Variants in ABI1 observed in about 807,000 individuals in gnomAD.
ABI1 encodes the protein abl interactor 1.
In ABI1, 14 loss-of-function variants were observed where a neutral mutation model predicts 54.6. The ratio of observed to expected loss-of-function variants is 0.26; its 90% CI spans 0.17 to 0.40. ABI1 has a LOEUF of 0.40. ABI1 is among the 10% of genes least tolerant of loss of function. ABI1 has a pLI of 1.00. For missense variants in ABI1, 443 were observed against 598.3 expected (o/e 0.74, Z 2.71); for synonymous variants, 194 against 209.3 (o/e 0.93, Z 0.63).
intron 7 of ABI1, among the ~76,000 whole-genome samples, chr10:26,760,126 T>C (rs1273885964): frequency 6.6e-6 from 1 of 152,070 alleles, no homozygotes; most frequent in African/African-American, 2.4e-5. Context: ...TTTCATCAGT[T>C]AATATCGAAA....
intron 1 of ABI1, among the ~76,000 whole-genome samples, chr10:26,858,857 T>C (rs1226573724): frequency 2.6e-5 from 4 of 152,268 alleles, no homozygotes; most frequent in Admixed American, 2.0e-4. Flanking sequence ...ACTTGTCAGA[T>C]TTCCCAACAT....
intron 6 of ABI1, among the ~76,000 whole-genome samples, chr10:26,765,773 A>G (rs906972970): frequency 6.6e-6 from 1 of 152,014 alleles, no homozygotes; most frequent in African/African-American, 2.4e-5. Context: ...GAAATTTTTA[A>G]GTTATTCATC....
chr10:26,825,439 T>C (rs1453534509), intron 1 of ABI1, among the ~76,000 whole-genome samples: 1 of 152,114 alleles, frequency 6.6e-6, no homozygotes, highest in Non-Finnish European at 1.5e-5. Flanking sequence ...GGCGGGAGGA[T>C]TACCTGAGGT....
intron 2 of ABI1, among the ~76,000 whole-genome samples, chr10:26,819,218 CA>C (rs869150384): frequency 6.6e-5 from 10 of 151,662 alleles, no homozygotes; most frequent in Non-Finnish European, 7.4e-5. Flanking sequence ...GCACCCCCCC[CA>C]AAAAAAATTC....
At position 26,764,037 on chromosome 10, in the gene ABI1, A is replaced by G. The variant is rs532628894; in HGVS notation, c.820+1181T>C. 7.1e-6 allele frequency: 8 copies of G among 1,122,296 alleles called. No homozygotes were observed. In the South Asian group the frequency reaches 1.1e-4, roughly 15 times the overall value. 69.5% of individuals were successfully genotyped at this position (1,122,296 alleles called of 1,614,324 possible). On this transcript the variant is annotated intron_variant, in intron 7 of 10. Transcript: ENST00000376140. ...CATTTTGAAACAGCAAGAAAGTACA[A>G]TGTATCGGGAAGAAAAAGAAAAAAG...
chr10:26,773,569 A>C (rs1223152354), intron 3 of ABI1, among the ~76,000 whole-genome samples: 1 of 152,080 alleles, frequency 6.6e-6, no homozygotes, highest in Non-Finnish European at 1.5e-5. Context: ...ATTAAAAAAA[A>C]ATCTTCCTAT....
At chr10:26,859,989 A>AG (rs2051161738) in intron 1 of ABI1, among the ~76,000 whole-genome samples, 1 of 151,360 alleles carries the variant, frequency 6.6e-6, no homozygotes, top group South Asian at 2.2e-4. Context: ...AAACGATGAG[A>AG]GGGGGAAAAA....
intron 1 of ABI1, among the ~76,000 whole-genome samples, chr10:26,851,389 C>CTTTTTTTT (rs2050382481): frequency 1.4e-5 from 1 of 74,030 alleles, no homozygotes; most frequent in African/African-American, 5.6e-5. Flanking sequence ...CAGGGTCTTG[C>CTTTTTTTT]TTTGTTACCC....
chr10:26,762,908 C>T (rs949088796), intron 7 of ABI1, among the ~76,000 whole-genome samples: 1 of 152,196 alleles, frequency 6.6e-6, no homozygotes, highest in African/African-American at 2.4e-5. Flanking sequence ...TGAGTGTATA[C>T]ATTAATAAAC....
intron 1 of ABI1, among the ~76,000 whole-genome samples, chr10:26,836,200 C>G (rs1416011291): frequency 1.3e-5 from 2 of 151,962 alleles, no homozygotes; most frequent in Admixed American, 1.3e-4. Flanking sequence ...GCAACCTCCA[C>G]CTCCCAGGTT....
At chr10:26,831,787 G>T (rs577779957) in intron 1 of ABI1, among the ~76,000 whole-genome samples, 1 of 152,244 alleles carries the variant, frequency 6.6e-6, no homozygotes, top group African/African-American at 2.4e-5. Flanking sequence ...ATTAGATTCA[G>T]ATTGAACATT....
Position 26,759,106 on chromosome 10 carries a change from G to A in ABI1, c.953C>T (p.Ala318Val). 6.2e-7 allele frequency: 1 copy of A among 1,614,058 alleles called. No homozygotes were observed. Among genetic ancestry groups the A allele is most frequent in the Non-Finnish European group, 8.5e-7 (1 of 1,179,994 alleles). Residue 318 changes from alanine to valine, a missense_variant, in exon 8 of 11, where the codon GCT becomes GTT. Physicochemically the swap from Ala to Val is moderately conservative, Grantham distance 64. This residue lies in a region of ABI1 where 394 missense variants were observed against 484.8 expected (regional missense o/e 0.81). Transcript: ENST00000376140. ...RTPSVTAQFS[A>V]QPHVNGGPLY... Reference sequence around the variant, plus strand: ...TGGACCTCCATTAACATGAGGCTGAGCAGAAAATTGAGCAGTCACAGAGGG... The same window carrying A: ...TGGACCTCCATTAACATGAGGCTGAACAGAAAATTGAGCAGTCACAGAGGG...
chr10:26,746,957 A>AAAT lies in ABI1; in HGVS notation c.*1610_*1612dup, dbSNP rs1837000227. On this transcript the variant is annotated 3_prime_UTR_variant, in exon 11 of 11. Coordinates refer to ENST00000376140, the MANE Select transcript of ABI1 (RefSeq NM_001012750.3). ...AAAATTTAGACAACAGGTTATATAC[A>AAAT]AATTAAGAGAACAATCCACTTGAAA... is the stretch of plus-strand genomic sequence containing the variant. 4.3e-6 allele frequency: 1 copy of AAAT among 234,054 alleles called. No individual in the cohort carries two copies. The highest frequency in any genetic ancestry group is 2.2e-5 in the African/African-American group (1 of 44,446). 14.5% of individuals were successfully genotyped at this position (234,054 alleles called of 1,614,324 possible).
At chr10:26,761,643 TATATATATATATATATATAC>T (rs1588776386) in intron 7 of ABI1, among the ~76,000 whole-genome samples, 2 of 118,210 alleles carry the variant, frequency 1.7e-5, no homozygotes, top group South Asian at 5.6e-4. Flanking sequence ...TATATATATA[TATATATATATATATATATAC>T]ACACACACAT....
intron 10 of ABI1, among the ~76,000 whole-genome samples, chr10:26,750,583 C>T (rs1194242470): frequency 2.0e-5 from 3 of 152,182 alleles, no homozygotes; most frequent in East Asian, 3.8e-4. Flanking sequence ...GTCTCAAGAG[C>T]TACATCTACT....
chr10:26,838,054 T>A (rs1564566227), intron 1 of ABI1, among the ~76,000 whole-genome samples: 1 of 150,660 alleles, frequency 6.6e-6, no homozygotes, highest in Non-Finnish European at 1.5e-5. Flanking sequence ...GAGAGAGTCT[T>A]GCTCTGTCAC....
At chr10:26,846,071 G>A (rs2134147859) in intron 1 of ABI1, among the ~76,000 whole-genome samples, 1 of 151,844 alleles carries the variant, frequency 6.6e-6, no homozygotes, top group South Asian at 2.1e-4. Flanking sequence ...GAACCTGGGA[G>A]GTAGAGGTTG....
intron 3 of ABI1, 141 bp downstream of exon 3, chr10:26,776,924 A>C: frequency 1.3e-6 from 1 of 763,718 alleles, no homozygotes; most frequent in Non-Finnish European, 2.0e-6. Context: ...CCTTAGTAAA[A>C]TTCATATTAA....
rs541542846 is a variant in ABI1, at chr10:26,820,362, A to C, written c.285+2776T>G. Among the ~76,000 whole-genome samples the C allele has an allele frequency of 3.9e-3, 596 of 151,398 alleles. 5 individuals carry two copies. The highest frequency in any genetic ancestry group is 4.5e-3 in the Non-Finnish European group (306 of 67,842). ...AGCTGCGGGGGAAAGCTACTTAATG[A>C]AAAAAAAATCAAATGAGGTGTATTT... On this transcript the variant is annotated intron_variant, in intron 2 of 10. Coordinates refer to ENST00000376140, the MANE Select transcript of ABI1 (RefSeq NM_001012750.3).
Sources: allele counts gnomAD v4.1 joint callset (sites outside exome capture counted in the v4.1 genomes callset), GRCh38; gene constraint gnomAD v4.1.1; regional missense constraint gnomAD v4.1.1; transcripts MANE v1.5; gene names NCBI Gene and HGNC (gene_info 2026-07-23, HGNC 2026-07-21).